HIBADH: variants seen among roughly 807,000 people sequenced by gnomAD.
HIBADH encodes the protein 3-hydroxyisobutyrate dehydrogenase, mitochondrial.
Under a neutral mutation model 36.1 loss-of-function variants are expected in HIBADH, and 25 were observed. The observed-to-expected ratio is 0.69, with a 90% CI of 0.50 to 0.97. The LOEUF is 0.97. Ranked by LOEUF, HIBADH falls within the 50% of genes least tolerant of loss-of-function variation. The pLI is 0.00. For synonymous variants in HIBADH, 160 were observed against 149.5 expected (o/e 1.07, Z -0.51); for missense variants, 421 against 418.0 (o/e 1.01, Z -0.06).
chr7:27,568,486 C>A (rs1461788648), intron 4 of HIBADH, among the ~76,000 whole-genome samples: 1 of 151,916 alleles, frequency 6.6e-6, no homozygotes, highest in African/African-American at 2.4e-5. Context: ...GACAGAGAGT[C>A]TCTCTCTGTC....
chr7:27,607,436 G>A (rs895987533), intron 4 of HIBADH, among the ~76,000 whole-genome samples: 2 of 152,140 alleles, frequency 1.3e-5, no homozygotes, highest in South Asian at 4.2e-4. Flanking sequence ...CTGAACCCAA[G>A]AGACGGAGGT....
chr7:27,641,519 T>C (rs1299463368), intron 2 of HIBADH, among the ~76,000 whole-genome samples: 1 of 152,200 alleles, frequency 6.6e-6, no homozygotes, highest in Admixed American at 6.5e-5. Context: ...GTTTCACACA[T>C]ACTTTTCCAT....
chr7:27,634,667 A>AAAAAG (rs1491485481), intron 2 of HIBADH, among the ~76,000 whole-genome samples: 5 of 152,226 alleles, frequency 3.3e-5, no homozygotes, highest in Non-Finnish European at 7.3e-5. Flanking sequence ...CCTGAGGTCT[A>AAAAAG]AGAGTTAATT....
chr7:27,541,134 T>TG (rs1784144625), intron 5 of HIBADH, among the ~76,000 whole-genome samples: 1 of 67,000 alleles, frequency 1.5e-5, no homozygotes, highest in African/African-American at 8.1e-5. Flanking sequence ...CGAGCATCCT[T>TG]TTTTTTTTTT....
At chr7:27,574,050 A>G (rs1784667226) in intron 4 of HIBADH, among the ~76,000 whole-genome samples, 1 of 152,216 alleles carries the variant, frequency 6.6e-6, no homozygotes, top group Non-Finnish European at 1.5e-5. Context: ...ATTGTAATAT[A>G]CTATAGAGGA....
Position 27,626,104 on chromosome 7 carries a change from G to GAAA in HIBADH, c.484+3264_484+3266dup, listed in dbSNP as rs70994672. On this transcript the variant is annotated intron_variant, in intron 4 of 7. Transcript: ENST00000265395. ...GGTGACACAGTGAGACTCCGTCTCA[G>GAAA]AAAAAAAAAAAAAAAAAAAAAAGAT... Among the ~76,000 whole-genome samples the GAAA allele has an allele frequency of 7.9e-4, 57 of 72,438 alleles. 10 individuals are homozygous for GAAA. The highest frequency in any genetic ancestry group is 2.1e-3 in the South Asian group (3 of 1,432). The allele number at this position is 72,438 out of a possible 152,430, so 47.5% of individuals were successfully genotyped here. A position where few individuals can be genotyped will look rare whatever the true frequency, so the allele number is the denominator to read the frequency against.
chr7:27,564,293 G>C (rs1391666476), intron 4 of HIBADH, among the ~76,000 whole-genome samples: 1 of 152,120 alleles, frequency 6.6e-6, no homozygotes, highest in African/African-American at 2.4e-5. Context: ...AGGCCAGAAG[G>C]ATTTTCTCAT....
At chr7:27,627,237 C>T (rs1785664320) in intron 4 of HIBADH, among the ~76,000 whole-genome samples, 2 of 152,188 alleles carry the variant, frequency 1.3e-5, no homozygotes, top group African/African-American at 2.4e-5. Context: ...TGAATTCCAG[C>T]AGAATGGCTG....
Position 27,662,875 on chromosome 7 carries a change from C to T in HIBADH, c.-87G>A. 8.9e-7 allele frequency: 1 copy of T among 1,128,200 alleles called. No homozygotes were observed. The allele number at this position is 1,128,200 out of a possible 1,614,324, so 69.9% of individuals were successfully genotyped here. A position where few individuals can be genotyped will look rare whatever the true frequency, so the allele number is the denominator to read the frequency against. ...GAGCGTGTGCAGCGGGACTGGCTGG[C>T]TCGCCCACGGAGAAGGGCGCGCGCG... On this transcript the variant is annotated 5_prime_UTR_variant, in exon 1 of 8. Transcript: ENST00000265395.
At chr7:27,605,368 T>C (rs1036000485) in intron 4 of HIBADH, among the ~76,000 whole-genome samples, 131 of 151,820 alleles carry the variant, frequency 8.6e-4, no homozygotes, top group African/African-American at 2.8e-3. Flanking sequence ...ATGAATCTCA[T>C]AGTTAGGCTT....
intron 4 of HIBADH, among the ~76,000 whole-genome samples, chr7:27,559,071 T>C (rs1784431097): frequency 6.6e-6 from 1 of 152,152 alleles, no homozygotes; most frequent in South Asian, 2.1e-4. Flanking sequence ...TGTTTCAGGA[T>C]TTTCTCTTTG....
intron 2 of HIBADH, among the ~76,000 whole-genome samples, chr7:27,635,332 T>C (rs1370904407): frequency 6.6e-6 from 1 of 152,066 alleles, no homozygotes; most frequent in African/African-American, 2.4e-5. Flanking sequence ...GCCAAACTAA[T>C]TAGAGTCCTT....
intron 4 of HIBADH, among the ~76,000 whole-genome samples, chr7:27,585,080 TAC>T (rs1784838839): frequency 6.6e-6 from 1 of 152,030 alleles, no homozygotes; most frequent in Non-Finnish European, 1.5e-5. Flanking sequence ...TGTAAAAATA[TAC>T]ATACATAAAT....
chr7:27,628,551 C>T lies in HIBADH; in HGVS notation c.484+820G>A, dbSNP rs1258784650. ...CCATTCCAAACTACCCAGATACCTG[C>T]TATTAATGTATGAGTTAATAGTAAA... On this transcript the variant is annotated intron_variant, in intron 4 of 7. Coordinates refer to ENST00000265395, the MANE Select transcript of HIBADH (RefSeq NM_152740.4). 2.0e-5 allele frequency among the ~76,000 whole-genome samples: 3 copies of T among 152,192 alleles called. No homozygotes were observed. The East Asian group carries it at 5.8e-4, about 29-fold the overall frequency.
At chr7:27,627,348 G>A (rs1224656494) in intron 4 of HIBADH, among the ~76,000 whole-genome samples, 1 of 152,132 alleles carries the variant, frequency 6.6e-6, no homozygotes, top group Non-Finnish European at 1.5e-5. Flanking sequence ...CTTGCTTCTT[G>A]ACCAATCAGC....
chr7:27,599,135 A>G (rs1350686921), intron 4 of HIBADH, among the ~76,000 whole-genome samples: 1 of 152,210 alleles, frequency 6.6e-6, no homozygotes, highest in Non-Finnish European at 1.5e-5. Context: ...CCCTTCAGAA[A>G]GCAAACATCA....
At chr7:27,604,878 T>C (rs538576270) in intron 4 of HIBADH, among the ~76,000 whole-genome samples, 3 of 152,100 alleles carry the variant, frequency 2.0e-5, no homozygotes, top group Non-Finnish European at 4.4e-5. Flanking sequence ...TTTGAAAACA[T>C]ATACATTTCT....
intron 1 of HIBADH, among the ~76,000 whole-genome samples, chr7:27,655,781 C>T (rs905855176): frequency 3.3e-5 from 5 of 151,944 alleles, no homozygotes; most frequent in African/African-American, 1.2e-4. Context: ...ATATACCCAA[C>T]TTGTCATAAT....
chr7:27,644,240 C>T (rs1786014853), intron 2 of HIBADH, among the ~76,000 whole-genome samples: 1 of 151,766 alleles, frequency 6.6e-6, no homozygotes, highest in Admixed American at 6.6e-5. Context: ...CCGAGGTGGG[C>T]AGATCACGAG....
Sources: allele counts gnomAD v4.1 joint callset (sites outside exome capture counted in the v4.1 genomes callset), GRCh38; gene constraint gnomAD v4.1.1; transcripts MANE v1.5; gene names NCBI Gene and HGNC (gene_info 2026-07-23, HGNC 2026-07-21).